Variants in METTL24 observed in about 807,000 individuals in gnomAD.
METTL24 encodes the protein probable methyltransferase-like protein 24.
METTL24 carries 29 observed loss-of-function variants against 32.7 expected under a neutral mutation model. That is an observed-to-expected ratio of 0.89 (90% CI 0.66 to 1.21). The LOEUF is 1.21. Among genes scored for constraint, METTL24 ranks in the 50% most tolerant of loss-of-function variants. The pLI is 0.00. For missense variants in METTL24, 439 were observed against 468.1 expected (o/e 0.94, Z 0.57); for synonymous variants, 163 against 179.5 (o/e 0.91, Z 0.73).
intron 1 of METTL24, among the ~76,000 whole-genome samples, chr6:110,323,665 CCA>C (rs1771969973): frequency 6.6e-6 from 1 of 152,088 alleles, no homozygotes; most frequent in African/African-American, 2.4e-5. Flanking sequence ...CTCAAAACTC[CCA>C]CCTATAGTTG....
intron 4 of METTL24, among the ~76,000 whole-genome samples, chr6:110,259,274 T>TGAGC (rs1371353785): frequency 6.6e-6 from 1 of 152,210 alleles, no homozygotes; most frequent in Non-Finnish European, 1.5e-5. Context: ...ACCCTAATAC[T>TGAGC]GAGCTTTTCT....
At chr6:110,333,928 C>T (rs929570963) in intron 1 of METTL24, among the ~76,000 whole-genome samples, 2 of 152,122 alleles carry the variant, frequency 1.3e-5, no homozygotes, top group African/African-American at 4.8e-5. Flanking sequence ...CCACTCTCTA[C>T]ATGTTGTCAT....
At chr6:110,251,175 A>C (rs1407202864) in intron 4 of METTL24, among the ~76,000 whole-genome samples, 1 of 152,188 alleles carries the variant, frequency 6.6e-6, no homozygotes, top group Non-Finnish European at 1.5e-5. Flanking sequence ...AGTGGCATAC[A>C]CAGAAAGGGG....
At chr6:110,343,576 C>T (rs1418122860) in intron 1 of METTL24, among the ~76,000 whole-genome samples, 1 of 152,128 alleles carries the variant, frequency 6.6e-6, no homozygotes, top group East Asian at 1.9e-4. Context: ...GCTAAATTGC[C>T]TGAGGAAGAA....
intron 4 of METTL24, among the ~76,000 whole-genome samples, chr6:110,286,815 G>A (rs1582402178): frequency 6.6e-6 from 1 of 152,170 alleles, no homozygotes; most frequent in South Asian, 2.1e-4. Flanking sequence ...TGCCAGCAAA[G>A]CTAGAATGTA....
intron 4 of METTL24, among the ~76,000 whole-genome samples, chr6:110,294,210 G>A (rs1458549084): frequency 6.6e-6 from 1 of 151,732 alleles, no homozygotes; most frequent in Non-Finnish European, 1.5e-5. Context: ...ATTAACAAAT[G>A]GTGAATTCCA....
chr6:110,262,704 A>G (rs1770762378), intron 4 of METTL24, among the ~76,000 whole-genome samples: 1 of 152,194 alleles, frequency 6.6e-6, no homozygotes, highest in African/African-American at 2.4e-5. Flanking sequence ...GATGAACATC[A>G]ATGCAAAAAT....
chr6:110,341,507 C>T (rs1772356056), intron 1 of METTL24, among the ~76,000 whole-genome samples: 1 of 152,120 alleles, frequency 6.6e-6, no homozygotes, highest in Non-Finnish European at 1.5e-5. Context: ...ATTATATAAC[C>T]AGTTCAAATT....
chr6:110,263,648 A>T (rs1395785792), intron 4 of METTL24, among the ~76,000 whole-genome samples: 1 of 152,252 alleles, frequency 6.6e-6, no homozygotes, highest in African/African-American at 2.4e-5. Flanking sequence ...ACCAAAAAAG[A>T]GCCCGCATCG....
intron 1 of METTL24, chr6:110,332,325 G>A (rs1050235314): frequency 1.2e-5 from 2 of 166,968 alleles, no homozygotes; most frequent in African/African-American, 4.8e-5. Context: ...TTTCTGTGTA[G>A]GTCAAAATGG....
intron 4 of METTL24, among the ~76,000 whole-genome samples, chr6:110,276,244 G>A (rs542424747): frequency 2.0e-5 from 3 of 152,206 alleles, no homozygotes; most frequent in Admixed American, 6.5e-5. Flanking sequence ...ACCAGCCTGG[G>A]CAATACAGTG....
intron 4 of METTL24, among the ~76,000 whole-genome samples, chr6:110,283,503 C>G (rs949290905): frequency 6.6e-6 from 1 of 152,170 alleles, no homozygotes; most frequent in Non-Finnish European, 1.5e-5. Flanking sequence ...AGGAATGGAA[C>G]AAGGGAGAGA....
At chr6:110,259,274 T>C (rs1245371887) in intron 4 of METTL24, among the ~76,000 whole-genome samples, 1 of 152,210 alleles carries the variant, frequency 6.6e-6, no homozygotes, top group Admixed American at 6.5e-5. Context: ...ACCCTAATAC[T>C]GAGCTTTTCT....
At chr6:110,357,828 A>C in intron 1 of METTL24, 127 bp downstream of exon 1, 4 of 316,212 alleles carry the variant, frequency 1.3e-5, no homozygotes, top group East Asian at 7.9e-5. Flanking sequence ...CACAGGGGGA[A>C]GAGAAGAAGC....
rs572611197 is a variant in METTL24, at chr6:110,289,460, C to G, written c.786+9462G>C. Among the ~76,000 whole-genome samples the G allele has an allele frequency of 1.4e-4, 21 of 151,472 alleles. No homozygotes were observed. The South Asian group carries it at 4.4e-3, about 32-fold the overall frequency. ...GGATAGGAAAAATACCAATTAGAAA[C>G]CTTGGAAGTGAAAAATATAGTCTTT... On this transcript the variant is annotated intron_variant, in intron 4 of 4. Coordinates refer to ENST00000338882, the MANE Select transcript of METTL24 (RefSeq NM_001123364.3).
intron 4 of METTL24, among the ~76,000 whole-genome samples, chr6:110,296,927 T>G (rs1771430498): frequency 1.3e-5 from 2 of 152,218 alleles, no homozygotes; most frequent in Non-Finnish European, 2.9e-5. Flanking sequence ...TAGCCCCGCA[T>G]AGCTCCTAGA....
chr6:110,276,970 C>T (rs543818713), intron 4 of METTL24, among the ~76,000 whole-genome samples: 6 of 152,168 alleles, frequency 3.9e-5, no homozygotes, highest in Admixed American at 3.3e-4. Flanking sequence ...CTGCCACACC[C>T]AAATAGATGG....
At chr6:110,261,758 C>A (rs1770735897) in intron 4 of METTL24, among the ~76,000 whole-genome samples, 1 of 152,124 alleles carries the variant, frequency 6.6e-6, no homozygotes, top group African/African-American at 2.4e-5. Context: ...GAAATTATAA[C>A]AAAGTGTATC....
intron 1 of METTL24, among the ~76,000 whole-genome samples, chr6:110,338,766 T>C (rs1373149144): frequency 6.6e-6 from 1 of 152,208 alleles, no homozygotes; most frequent in Non-Finnish European, 1.5e-5. Flanking sequence ...ATCATTAAGG[T>C]TAGGTTTTGT....
Sources: allele counts gnomAD v4.1 joint callset (sites outside exome capture counted in the v4.1 genomes callset), GRCh38; gene constraint gnomAD v4.1.1; transcripts MANE v1.5; gene names NCBI Gene and HGNC (gene_info 2026-07-23, HGNC 2026-07-21).